The following AP5Z1 variants were observed in gnomAD, a reference collection of about 807,000 sequenced individuals.
The protein encoded by AP5Z1 is adaptor related protein complex 5 subunit zeta 1.
In AP5Z1, 106 loss-of-function variants were observed where a neutral mutation model predicts 83.0. The ratio of observed to expected loss-of-function variants is 1.28; its 90% CI spans 1.09 to 1.50. The LOEUF is 1.50. Among genes scored for constraint, AP5Z1 ranks in the 40% most tolerant of loss-of-function variants. The pLI, the probability that AP5Z1 is intolerant of heterozygous loss-of-function variation, is 0.00. For synonymous variants in AP5Z1, 751 were observed against 514.1 expected, an observed-to-expected ratio of 1.46 and a Z score of -6.23; for missense variants, 1,565 against 1,094.2, an observed-to-expected ratio of 1.43 and a Z score of -6.07.
intron 10 of AP5Z1, 124 bp downstream of exon 10, chr7:4,786,552 T>C (rs1781550931): frequency 2.7e-5 from 30 of 1,098,050 alleles, no homozygotes; most frequent in Non-Finnish European, 4.0e-5. Context: ...GTCCCGGGCC[T>C]GGAATGCGGT....
At chr7:4,776,142 A>AT in intron 1 of AP5Z1, among the ~76,000 whole-genome samples, 1 of 151,806 alleles carries the variant, frequency 6.6e-6, no homozygotes, top group East Asian at 1.9e-4. Context: ...CTGCTAAGGA[A>AT]TAAGGCTGTG....
In AP5Z1 at chr7:4,788,829, T is replaced by C; in HGVS notation, c.1596-11T>C. 6.3e-7 allele frequency: 1 copy of C among 1,595,840 alleles called. No individual in the cohort carries two copies. Among genetic ancestry groups the C allele is most frequent in the Non-Finnish European group, 8.5e-7 (1 of 1,171,518 alleles). ...GAGCGGGCAGCACTCACGGCCACAC[T>C]GTGTCCTCAGGTTGGCGCCACTCCA... On this transcript the variant is annotated splice_polypyrimidine_tract_variant and intron_variant, in intron 12 of 16. Coordinates refer to ENST00000649063, the MANE Select transcript of AP5Z1 (RefSeq NM_014855.3).
chr7:4,788,219 A>G lies in AP5Z1; in HGVS notation c.1520A>G (p.Glu507Gly). ...DTSLRAPSCL[E>G]AFRDPQFQGL... The stretch of plus-strand genomic sequence containing the variant: ...TCTCTCAGGGCCCCCAGCTGCCTGG[A>G]GGCCTTCCGGGACCCGCAGTTCCAG... The change falls in exon 12 of 17, where the codon GAG (glutamate) becomes GGG (glycine). Residue 507 changes from glutamate to glycine, a missense_variant. Coordinates refer to ENST00000649063, the MANE Select transcript of AP5Z1 (RefSeq NM_014855.3). 6.4e-7 allele frequency: 1 copy of G among 1,569,680 alleles called. No homozygotes were observed. Among genetic ancestry groups the G allele is most frequent in the African/African-American group, 1.4e-5 (1 of 73,954 alleles).
At chr7:4,784,681 C>T (rs374862976) in intron 6 of AP5Z1, among the ~76,000 whole-genome samples, 14 of 152,324 alleles carry the variant, frequency 9.2e-5, no homozygotes, top group Middle Eastern at 3.4e-3. Context: ...CACTGAGCTC[C>T]TCCCGGCTGC....
Position 4,775,652 on chromosome 7 carries a change from G to T in AP5Z1, c.-64G>T. The T allele has an allele frequency of 1.9e-6, 3 of 1,597,740 alleles. No homozygotes were observed. Among genetic ancestry groups the T allele is most frequent in the South Asian group, 1.1e-5 (1 of 90,168 alleles). On this transcript the variant is annotated 5_prime_UTR_variant, in exon 1 of 17. Transcript: ENST00000649063. ...CGGTCCCGGAAGTTGACCGGGGTGC[G>T]GAGCTCCTGGGCTGCAGCTCCTGGA...
At chr7:4,778,644 T>C (rs886929286) in intron 1 of AP5Z1, among the ~76,000 whole-genome samples, 2 of 151,598 alleles carry the variant, frequency 1.3e-5, no homozygotes, top group Non-Finnish European at 2.9e-5. Flanking sequence ...ACTTGGAGAA[T>C]ATGCTGAAGG....
rs1012215873 is a variant in AP5Z1 at position 4,790,360 on chromosome 7, C to G, written c.1806-99C>G. On this transcript the variant is annotated intron_variant, in intron 14 of 16. Coordinates refer to ENST00000649063, the MANE Select transcript of AP5Z1 (RefSeq NM_014855.3). The stretch of plus-strand genomic sequence containing the variant: ...TATCGGAGGGTGCAGCATACACCTA[C>G]CACTCAGACGCTTCCCGGGTTTCTC... The G allele has an allele frequency of 5.7e-6, 9 of 1,580,918 alleles. No individual in the cohort carries two copies. In the African/African-American group the frequency reaches 1.2e-4, roughly 21 times the overall value.
At position 4,790,735 on chromosome 7, in the gene AP5Z1, C is replaced by A. The variant is rs762066062; in HGVS notation, c.2001C>A (p.Ile667=). Residue 667 remains isoleucine (I), a synonymous_variant, in exon 16 of 17, where the codon ATC becomes ATA. Transcript: ENST00000649063. ...TYDRRCTVEQ[I]NKFFEALEAL... is the part of the protein sequence containing the mutation. ...ATCGGAGGTGCACCGTGGAGCAGAT[C>A]AACAAGTTCTTCGAAGCCCTGGAGG... is the stretch of plus-strand genomic sequence containing the variant. The A allele has an allele frequency of 1.9e-6, 3 of 1,610,542 alleles. No homozygotes were observed. Among genetic ancestry groups the A allele is most frequent in the African/African-American group, 2.7e-5 (2 of 74,878 alleles).
intron 10 of AP5Z1, 106 bp downstream of exon 10, chr7:4,786,534 C>T (rs1007135011): frequency 1.5e-6 from 2 of 1,291,068 alleles, no homozygotes; most frequent in Admixed American, 2.0e-5. Context: ...GAGCATAGAG[C>T]CCTGTGAGTC....
rs752969566 is a variant in AP5Z1, at chr7:4,775,776, C to T, written c.41+20C>T. On this transcript the variant is annotated intron_variant, in intron 1 of 16. Transcript: ENST00000649063. ...GGCCAGGTACGGGGGAGCTGCGGCC[C>T]CGGCCCTCCTTCCTGCATCTCTCCC... 1.2e-6 allele frequency: 2 copies of T among 1,601,492 alleles called. No homozygotes were observed. Among genetic ancestry groups the T allele is most frequent in the Non-Finnish European group, 1.7e-6 (2 of 1,179,384 alleles).
intron 1 of AP5Z1, among the ~76,000 whole-genome samples, chr7:4,778,415 A>G (rs887009012): frequency 6.6e-6 from 1 of 152,162 alleles, no homozygotes; most frequent in African/African-American, 2.4e-5. Flanking sequence ...TCCAGGAGGA[A>G]GAGCCTCAGC....
intron 1 of AP5Z1, among the ~76,000 whole-genome samples, chr7:4,777,353 C>G (rs865810907): frequency 6.7e-6 from 1 of 148,844 alleles, no homozygotes; most frequent in Non-Finnish European, 1.5e-5. Flanking sequence ...GAAGAGCCCT[C>G]TTTATTTATT....
intron 1 of AP5Z1, among the ~76,000 whole-genome samples, chr7:4,780,558 A>G (rs1030831430): frequency 2.0e-5 from 3 of 151,870 alleles, no homozygotes; most frequent in Admixed American, 6.6e-5. Context: ...ATGTCAGGAG[A>G]TCAAGACCAT....
chr7:4,781,689 C>G lies in AP5Z1; in HGVS notation c.301C>G (p.Leu101Val). The G allele has an allele frequency of 6.3e-7, 1 of 1,596,132 alleles. No homozygotes were observed. The highest frequency in any genetic ancestry group is 8.6e-7 in the Non-Finnish European group (1 of 1,166,072). Residue 101 changes from leucine (L) to valine (V), a missense_variant, in exon 3 of 17, where the codon CTG (leucine) becomes GTG (valine). Transcript: ENST00000649063. ...REMSPSDSLS[L>V]AWDHTQNSRQ... ...GATGTCCCCCTCTGACAGCCTCAGCCTGGCCTGGGACCACACGCAGAACAG... is the reference window on the plus strand; with the variant it reads ...GATGTCCCCCTCTGACAGCCTCAGCGTGGCCTGGGACCACACGCAGAACAG...
chr7:4,781,499 C>T, intron 2 of AP5Z1, 69 bp from the exon 3 acceptor site: 5 of 1,566,486 alleles, frequency 3.2e-6, no homozygotes, highest in South Asian at 1.1e-5. Flanking sequence ...GCCAGGTGCT[C>T]TGGGGCACCG....
chr7:4,786,110 C>T (rs1781535274), intron 9 of AP5Z1, 140 bp from the exon 10 acceptor site: 3 of 820,706 alleles, frequency 3.7e-6, no homozygotes, highest in South Asian at 4.4e-5. Context: ...AGTGCCGCTT[C>T]CCCAGCGTCC....
In AP5Z1 at chr7:4,788,254, C is replaced by T; in HGVS notation, c.1555C>T (p.Gln519Ter). ...GGACCCGCAGTTCCAGGGTCTTTTC[C>T]AATACCTGCTGCGCCCCAAGGCCAG... is the stretch of plus-strand genomic sequence containing the variant. ...FRDPQFQGLFQYLLRPKASGA... is the reference protein window; with the variant it reads ...FRDPQFQGLF The change falls in exon 12 of 17, where the codon CAA becomes TAA. Residue 519 changes from glutamine to a stop codon, truncating the protein, a stop_gained. Transcript: ENST00000649063. LOFTEE classifies it high-confidence loss of function. The T allele has an allele frequency of 1.3e-6, 2 of 1,588,870 alleles. No individual in the cohort carries two copies. The highest frequency in any genetic ancestry group is 1.7e-6 in the Non-Finnish European group (2 of 1,169,120).
chr7:4,780,282 C>T (rs1268847137), intron 1 of AP5Z1, among the ~76,000 whole-genome samples: 2 of 152,130 alleles, frequency 1.3e-5, no homozygotes, highest in African/African-American at 4.8e-5. Context: ...ACATAATGGG[C>T]TTACCTTACA....
At chr7:4,775,892 T>G in intron 1 of AP5Z1, 136 bp downstream of exon 1, 1 of 1,318,612 alleles carries the variant, frequency 7.6e-7, no homozygotes, top group Non-Finnish European at 1.0e-6. Flanking sequence ...GACTTGGGGA[T>G]CGGGTAAGGC....
Sources: gnomAD v4.1 joint callset for allele counts (sites outside exome capture counted in the v4.1 genomes callset) on GRCh38, gnomAD v4.1.1 for gene constraint, MANE v1.5 for transcripts, NCBI Gene and HGNC (gene_info 2026-07-23, HGNC 2026-07-21) for gene names.